FBXW7: variants seen among roughly 807,000 people sequenced by gnomAD.
FBXW7 encodes F-box/WD repeat-containing protein 7.
In FBXW7, 11 loss-of-function variants were observed where a neutral mutation model predicts 86.3. The ratio of observed to expected loss-of-function variants is 0.13; its 90% CI spans 0.08 to 0.21. The LOEUF (loss-of-function observed/expected upper bound fraction) is 0.21, where lower values mean the gene tolerates loss of function less well. Ranked by LOEUF, FBXW7 falls within the 10% of genes least tolerant of loss-of-function variation. The pLI is 1.00. For synonymous variants in FBXW7, 313 were observed against 297.9 expected, an observed-to-expected ratio of 1.05 and a Z score of -0.52; for missense variants, 488 against 847.4, an observed-to-expected ratio of 0.58 and a Z score of 5.27.
intron 2 of FBXW7, among the ~76,000 whole-genome samples, chr4:152,469,052 T>G (rs1043263483): frequency 6.6e-6 from 1 of 152,134 alleles, no homozygotes; most frequent in Admixed American, 6.5e-5. Flanking sequence ...CTATAAAATT[T>G]AAGAAAAATA....
intron 2 of FBXW7, among the ~76,000 whole-genome samples, chr4:152,465,739 G>A (rs1288429957): frequency 1.3e-5 from 2 of 151,672 alleles, no homozygotes; most frequent in Non-Finnish European, 2.9e-5. Context: ...AGCTACTCAG[G>A]AGGCTGACAC....
In FBXW7 at chr4:152,382,108, T is replaced by C. The variant is rs188153796; in HGVS notation, c.501+29195A>G. Reference sequence around the variant, plus strand: ...TTTTAATTTTAAATAAAAACTGAAATTTGAGGCATCTTTTCACTAAAAGAG... The same window carrying C: ...TTTTAATTTTAAATAAAAACTGAAACTTGAGGCATCTTTTCACTAAAAGAG... On this transcript the variant is annotated intron_variant, in intron 4 of 13. Coordinates refer to ENST00000281708, the MANE Select transcript of FBXW7 (RefSeq NM_001349798.2). 12 of 967,520 alleles carry C rather than the reference T, an allele frequency of 1.2e-5. No homozygotes were observed. The East Asian group carries it at 2.4e-4, about 19-fold the overall frequency. The allele number at this position is 967,520 out of a possible 1,614,324, so 59.9% of individuals were successfully genotyped here. A position where few individuals can be genotyped will look rare whatever the true frequency, so the allele number is the denominator to read the frequency against.
intron 12 of FBXW7, chr4:152,325,768 G>A: frequency 2.3e-6 from 1 of 443,516 alleles, no homozygotes; most frequent in Non-Finnish European, 4.0e-6. Context: ...AAAGTGTCAG[G>A]TTGCAAAACA....
chr4:152,518,367 C>T (rs1748703450), intron 2 of FBXW7, among the ~76,000 whole-genome samples: 2 of 152,102 alleles, frequency 1.3e-5, no homozygotes. Context: ...AGGATCTTGG[C>T]TCACTACAGT....
chr4:152,348,780 A>G (rs1204499431), intron 5 of FBXW7: 1 of 844,990 alleles, frequency 1.2e-6, no homozygotes, highest in Non-Finnish European at 1.6e-6. Context: ...GAAATACTTT[A>G]TCATGACTAG....
At chr4:152,408,519 T>C (rs1252537969) in intron 4 of FBXW7, among the ~76,000 whole-genome samples, 2 of 152,194 alleles carry the variant, frequency 1.3e-5, no homozygotes, top group South Asian at 2.1e-4. Flanking sequence ...AACAGCGTCA[T>C]TTGTTCCTGA....
chr4:152,323,360 A>G lies in FBXW7; in HGVS notation c.1856-211T>C, dbSNP rs1728716312. Reference sequence around the variant, plus strand: ...TTTGTAACTGAAACATTAACTTTCAAGAGGTCTGTCTTCCAAGAAGCTTGG... The same window carrying G: ...TTTGTAACTGAAACATTAACTTTCAGGAGGTCTGTCTTCCAAGAAGCTTGG... On this transcript the variant is annotated intron_variant, in intron 13 of 13. Transcript: ENST00000281708. 4 of 622,262 alleles carry G rather than the reference A, an allele frequency of 6.4e-6. No homozygotes were observed. The South Asian group carries it at 8.5e-5, about 13-fold the overall frequency. 38.5% of individuals were successfully genotyped at this position (622,262 alleles called of 1,614,324 possible).
chr4:152,487,217 A>C (rs1745423121), intron 2 of FBXW7, among the ~76,000 whole-genome samples: 1 of 152,152 alleles, frequency 6.6e-6, no homozygotes, highest in Non-Finnish European at 1.5e-5. Context: ...ACTGGGTGAA[A>C]GGCTGTTGAG....
At chr4:152,499,317 A>T (rs1746683913) in intron 2 of FBXW7, among the ~76,000 whole-genome samples, 1 of 152,158 alleles carries the variant, frequency 6.6e-6, no homozygotes, top group Non-Finnish European at 1.5e-5. Context: ...GATGCATCTG[A>T]TCAATAAAGC....
chr4:152,488,129 T>C (rs1346787204), intron 2 of FBXW7, among the ~76,000 whole-genome samples: 1 of 152,114 alleles, frequency 6.6e-6, no homozygotes, highest in Non-Finnish European at 1.5e-5. Context: ...TTTAATAATT[T>C]GCTTTTGTCA....
chr4:152,514,455 G>A (rs891444802), intron 2 of FBXW7, among the ~76,000 whole-genome samples: 3 of 152,092 alleles, frequency 2.0e-5, no homozygotes, highest in Non-Finnish European at 2.9e-5. Flanking sequence ...GGGTGGGGAG[G>A]TATGTTCTCT....
intron 4 of FBXW7, among the ~76,000 whole-genome samples, chr4:152,355,830 T>C (rs1732323795): frequency 6.6e-6 from 1 of 152,074 alleles, no homozygotes; most frequent in African/African-American, 2.4e-5. Context: ...AAATATATGA[T>C]GATATGTTTG....
chr4:152,445,933 AAAAAAAAAAC>A (rs1189670759), intron 2 of FBXW7, among the ~76,000 whole-genome samples: 16 of 118,144 alleles, frequency 1.4e-4, no homozygotes, highest in African/African-American at 6.3e-4. Context: ...AAAAAAAAAA[AAAAAAAAAAC>A]CAAAGTGCTT....
intron 7 of FBXW7, among the ~76,000 whole-genome samples, chr4:152,334,915 C>CA (rs1005782540): frequency 4.0e-5 from 6 of 151,720 alleles, no homozygotes; most frequent in African/African-American, 7.3e-5. Context: ...CAAAGCAAAA[C>CA]AAAAAAATAT....
intron 2 of FBXW7, among the ~76,000 whole-genome samples, chr4:152,473,947 T>A (rs1579298779): frequency 6.6e-6 from 1 of 152,098 alleles, no homozygotes. Context: ...AAGAGAAAGA[T>A]TAACTTATTG....
At chr4:152,323,946 A>T in intron 13 of FBXW7, 1 of 457,948 alleles carries the variant, frequency 2.2e-6, no homozygotes, top group East Asian at 3.9e-5. Context: ...GGTTAAGTAG[A>T]GTCAATTGAA....
chr4:152,480,669 T>C (rs963166479), intron 2 of FBXW7, among the ~76,000 whole-genome samples: 5 of 152,146 alleles, frequency 3.3e-5, no homozygotes, highest in African/African-American at 1.2e-4. Flanking sequence ...AGTGAACACA[T>C]GAATAATAGG....
intron 2 of FBXW7, among the ~76,000 whole-genome samples, chr4:152,505,219 T>C (rs1424834187): frequency 1.3e-5 from 2 of 152,170 alleles, no homozygotes. Flanking sequence ...TAAATTAAGC[T>C]AGCAGGACTG....
chr4:152,500,937 T>G (rs1746886500), intron 2 of FBXW7, among the ~76,000 whole-genome samples: 1 of 152,208 alleles, frequency 6.6e-6, no homozygotes, highest in Non-Finnish European at 1.5e-5. Flanking sequence ...ATATTAATTA[T>G]CACAACTTCA....
Sources: gnomAD v4.1 joint callset for allele counts (sites outside exome capture counted in the v4.1 genomes callset) on GRCh38, gnomAD v4.1.1 for gene constraint, MANE v1.5 for transcripts, NCBI Gene and HGNC (gene_info 2026-07-23, HGNC 2026-07-21) for gene names.